Variants in TBC1D31 observed in about 807,000 individuals in gnomAD.
TBC1D31 encodes the protein TBC1 domain family member 31.
In TBC1D31, 99 loss-of-function variants were observed where a neutral mutation model predicts 132.9. The ratio of observed to expected loss-of-function variants is 0.74; its 90% confidence interval spans 0.63 to 0.88. The LOEUF (loss-of-function observed/expected upper bound fraction) is 0.88, where lower values mean the gene tolerates loss of function less well. Among genes scored for constraint, TBC1D31 ranks in the 40% least tolerant of loss-of-function variants. TBC1D31 has a pLI of 0.00. For synonymous variants in TBC1D31, 385 were observed against 419.4 expected (o/e 0.92, Z 1.00); for missense variants, 1,134 against 1,256.6 (o/e 0.90, Z 1.48).
At chr8:123,156,163 G>A (rs1300907606), downstream of TBC1D31, among the ~76,000 whole-genome samples, 1 of 152,176 alleles carries the variant, frequency 6.6e-6, no homozygotes, top group Non-Finnish European at 1.5e-5. Context: ...CCCAGGGGCC[G>A]GGCGTGGTGG....
At chr8:123,140,415 T>C (rs557440225) in intron 17 of TBC1D31, among the ~76,000 whole-genome samples, 1 of 152,160 alleles carries the variant, frequency 6.6e-6, no homozygotes, top group South Asian at 2.1e-4. Flanking sequence ...ACAGGAAAAA[T>C]GCAAGATGAA....
At chr8:123,112,645 A>G (rs1216214144) in intron 10 of TBC1D31, among the ~76,000 whole-genome samples, 1 of 152,146 alleles carries the variant, frequency 6.6e-6, no homozygotes, top group African/African-American at 2.4e-5. Context: ...ATTATTTTCA[A>G]TCTTCTGCTG....
At chr8:123,137,533 C>G (rs1329757675) in intron 17 of TBC1D31, among the ~76,000 whole-genome samples, 1 of 152,222 alleles carries the variant, frequency 6.6e-6, no homozygotes, top group African/African-American at 2.4e-5. Context: ...GTTGTACAGA[C>G]AGCATTTAAT....
At chr8:123,115,841 T>C (rs1004530582) in intron 10 of TBC1D31, among the ~76,000 whole-genome samples, 3 of 152,164 alleles carry the variant, frequency 2.0e-5, no homozygotes, top group African/African-American at 7.2e-5. Context: ...CCTACCCAGG[T>C]AGTCCAGGAT....
Position 123,105,423 on chromosome 8 carries a change from A to G in TBC1D31, c.1168A>G (p.Ile390Val), listed in dbSNP as rs745507970. Residue 390 changes from isoleucine (I) to valine (V), a missense_variant, in exon 8 of 22, where the codon ATA becomes GTA. Transcript: ENST00000287380. The part of the protein sequence containing the change: ...KSRESKMQTR[I>V]LKQDLTGDFE... ...TAGGGAAAGCAAAATGCAAACTAGA[A>G]TATTAAAACAAGACCTGACTGGTGA... 3 of 1,612,374 alleles carry G rather than the reference A, an allele frequency of 1.9e-6. No individual in the cohort carries two copies. Among genetic ancestry groups the G allele is most frequent in the Admixed American group, 1.7e-5 (1 of 59,904 alleles).
chr8:123,097,543 C>T lies in TBC1D31; in HGVS notation c.831+102C>T, dbSNP rs74490765. 218 of 1,294,828 alleles carry T rather than the reference C, an allele frequency of 1.7e-4. 1 individual carries two copies. The East Asian group carries it at 4.5e-3, about 27-fold the overall frequency. 80.2% of individuals were successfully genotyped at this position (1,294,828 alleles called of 1,614,324 possible). ...TATTTAACTTACACCCTGGCTGTTA[C>T]AATAATTTGAAATTACAAATATGTT... On this transcript the variant is annotated intron_variant, in intron 6 of 21. Coordinates refer to ENST00000287380, the MANE Select transcript of TBC1D31 (RefSeq NM_145647.4).
chr8:123,157,830 C>T, the TBC1D31 span, among the ~76,000 whole-genome samples: 6 of 152,142 alleles, frequency 3.9e-5, no homozygotes, highest in Admixed American at 6.5e-5. Flanking sequence ...CCGCCTGCAG[C>T]TCCTCGGCTG....
intron 7 of TBC1D31, 80 bp downstream of exon 7, chr8:123,101,087 A>G (rs1817366979): frequency 1.9e-6 from 2 of 1,050,770 alleles, no homozygotes; most frequent in Non-Finnish European, 2.8e-6. Flanking sequence ...TCTTTATGCT[A>G]CTATTTCTAA....
At chr8:123,162,537 C>T in the TBC1D31 span, among the ~76,000 whole-genome samples, 3 of 152,116 alleles carry the variant, frequency 2.0e-5, no homozygotes, top group African/African-American at 7.2e-5. Context: ...AGGCACATTC[C>T]ACAGACACAG....
chr8:123,125,604 G>C (rs934603515), intron 11 of TBC1D31, among the ~76,000 whole-genome samples: 1 of 152,148 alleles, frequency 6.6e-6, no homozygotes, highest in African/African-American at 2.4e-5. Flanking sequence ...ATATATTGCT[G>C]ATGTAATTTT....
the TBC1D31 span, among the ~76,000 whole-genome samples, chr8:123,163,748 A>T: frequency 6.6e-6 from 1 of 152,138 alleles, no homozygotes; most frequent in South Asian, 2.1e-4. Flanking sequence ...TAAGTTCTTT[A>T]GTGGTGATTT....
chr8:123,131,055 A>T (rs1240775228), intron 16 of TBC1D31, among the ~76,000 whole-genome samples: 1 of 152,068 alleles, frequency 6.6e-6, no homozygotes, highest in Non-Finnish European at 1.5e-5. Context: ...TCATCCCCAG[A>T]GAAACACTAT....
chr8:123,107,476 T>G (rs1818041698), intron 8 of TBC1D31, among the ~76,000 whole-genome samples: 1 of 152,220 alleles, frequency 6.6e-6, no homozygotes, highest in Non-Finnish European at 1.5e-5. Flanking sequence ...AAATATTACT[T>G]CTTTAAAGAA....
intron 10 of TBC1D31, among the ~76,000 whole-genome samples, chr8:123,115,987 ACATTAACTATAAAGTATACT>A (rs946250703): frequency 6.6e-6 from 1 of 152,194 alleles, no homozygotes; most frequent in African/African-American, 2.4e-5. Flanking sequence ...TCTGCTTGCC[ACATTAACTATAAAGTATACT>A]CAGAAAAATA....
chr8:123,108,960 C>T (rs1818203988), intron 8 of TBC1D31, among the ~76,000 whole-genome samples: 1 of 152,120 alleles, frequency 6.6e-6, no homozygotes, highest in African/African-American at 2.4e-5. Flanking sequence ...GGGGAACTAC[C>T]CCCGTGATCC....
At chr8:123,147,159 C>T (rs1822294196) in intron 20 of TBC1D31, among the ~76,000 whole-genome samples, 1 of 150,050 alleles carries the variant, frequency 6.7e-6, no homozygotes, top group Non-Finnish European at 1.5e-5. Context: ...CTCACACTTA[C>T]CCTTGTTTTT....
intron 10 of TBC1D31, 141 bp downstream of exon 10, chr8:123,109,761 A>G (rs1001476995): frequency 2.8e-6 from 2 of 715,286 alleles, no homozygotes; most frequent in African/African-American, 3.6e-5. Flanking sequence ...AAAAATGTAC[A>G]TGCACATATA....
rs1427510096 is a variant in TBC1D31 at position 123,142,404 on chromosome 8, G to T, written c.2783G>T (p.Arg928Ile). The T allele has an allele frequency of 3.1e-6, 5 of 1,603,658 alleles. No homozygotes were observed. The highest frequency in any genetic ancestry group is 4.3e-6 in the Non-Finnish European group (5 of 1,175,760). ...GTAGCCAAACTCCTTAGGGAAAACAGAAGGAAAGAAATAGAGATAATAAAT... is the reference window on the plus strand; with the variant it reads ...GTAGCCAAACTCCTTAGGGAAAACATAAGGAAAGAAATAGAGATAATAAAT... ...QEVAKLLREN[R>I]RKEIEIINAM... The change falls in exon 19 of 22, where the codon AGA (arginine) becomes ATA (isoleucine). Residue 928 changes from arginine to isoleucine, a missense_variant. Arg to Ile is a moderately conservative substitution (Grantham distance 97). Transcript: ENST00000287380.
intron 14 of TBC1D31, 100 bp downstream of exon 14, chr8:123,128,613 A>C: frequency 4.9e-5 from 46 of 931,366 alleles, no homozygotes; most frequent in Non-Finnish European, 6.8e-5. Flanking sequence ...GCGGTGGCTC[A>C]CGCCTATAGT....
Sources: gnomAD v4.1 joint callset for allele counts (sites outside exome capture counted in the v4.1 genomes callset) on GRCh38, gnomAD v4.1.1 for gene constraint, MANE v1.5 for transcripts, NCBI Gene and HGNC (gene_info 2026-07-23, HGNC 2026-07-21) for gene names.